The following CTNNA3 variants were observed in gnomAD, a reference collection of about 807,000 sequenced individuals.
CTNNA3 encodes catenin alpha 3.
A neutral mutation model predicts 95.7 loss-of-function variants in CTNNA3; 76 were observed. That is an observed-to-expected ratio of 0.79 (90% confidence interval 0.66 to 0.96). The LOEUF (loss-of-function observed/expected upper bound fraction) is 0.96. Among genes scored for constraint, CTNNA3 ranks in the 40% least tolerant of loss-of-function variants. The pLI, the probability that CTNNA3 is intolerant of heterozygous loss-of-function variation, is 0.00. For synonymous variants in CTNNA3, 431 were observed against 374.4 expected (o/e 1.15, Z -1.74); for missense variants, 1,191 against 1,089.8 (o/e 1.09, Z -1.31).
At chr10:66,622,497 T>C (rs1400695725) in intron 9 of CTNNA3, among the ~76,000 whole-genome samples, 3 of 152,122 alleles carry the variant, frequency 2.0e-5, no homozygotes, top group Non-Finnish European at 4.4e-5. Flanking sequence ...CTTCAGACCA[T>C]GAAAGAGCCA....
In CTNNA3 at chr10:66,909,982, C is replaced by T. The variant is rs542401715; in HGVS notation, c.1048-134458G>A. Among the ~76,000 whole-genome samples, 22 of 152,078 alleles carry T rather than the reference C, an allele frequency of 1.4e-4. 1 individual carries two copies. Among genetic ancestry groups the T allele is most frequent in the African/African-American group, 5.1e-4 (21 of 41,492 alleles). On this transcript the variant is annotated intron_variant, in intron 7 of 17. Transcript: ENST00000433211. ...AAAGAATATTCTATGGGGAAAAGGG[C>T]AAATAAACAATTTAATACTATGCAT...
At chr10:66,395,363 G>A (rs888980586) in intron 11 of CTNNA3, among the ~76,000 whole-genome samples, 1 of 151,948 alleles carries the variant, frequency 6.6e-6, no homozygotes, top group African/African-American at 2.4e-5. Context: ...TGACAAAGGA[G>A]GAGTCCATGA....
intron 14 of CTNNA3, among the ~76,000 whole-genome samples, chr10:66,070,186 T>C (rs1486701394): frequency 3.9e-5 from 6 of 152,184 alleles, no homozygotes; most frequent in Non-Finnish European, 7.4e-5. Context: ...TGCTATTTCT[T>C]AGCCTCTGAA....
intron 17 of CTNNA3, among the ~76,000 whole-genome samples, chr10:65,938,015 GT>G (rs2077370103): frequency 1.4e-5 from 2 of 146,794 alleles, no homozygotes; most frequent in Admixed American, 1.4e-4. Context: ...TTCTGATGTT[GT>G]CTTTGATAAG....
Position 66,621,681 on chromosome 10 carries a change from A to G in CTNNA3, c.1374+11T>C, listed in dbSNP as rs1179925746. On this transcript the variant is annotated intron_variant, in intron 10 of 17. Transcript: ENST00000433211. Reference sequence around the variant, plus strand: ...TAATTTTACACACAAAAAGTAACTTAGTTGTCATACCTGTGGACACAAGGT... The same window carrying G: ...TAATTTTACACACAAAAAGTAACTTGGTTGTCATACCTGTGGACACAAGGT... 6.7e-7 allele frequency: 1 copy of G among 1,500,066 alleles called. No homozygotes were observed. 92.9% of individuals were successfully genotyped at this position (1,500,066 alleles called of 1,614,324 possible). A position where few individuals can be genotyped will look rare whatever the true frequency, so the allele number is the denominator to read the frequency against.
At chr10:67,391,749 C>A (rs1310075421) in intron 5 of CTNNA3, among the ~76,000 whole-genome samples, 1 of 149,188 alleles carries the variant, frequency 6.7e-6, no homozygotes, top group Admixed American at 6.6e-5. Context: ...GAAATAACGC[C>A]GCATATCTAC....
intron 13 of CTNNA3, among the ~76,000 whole-genome samples, chr10:66,193,156 T>C (rs1167263548): frequency 1.3e-5 from 2 of 152,184 alleles, no homozygotes; most frequent in African/African-American, 4.8e-5. Context: ...ATGATATTTA[T>C]TCTCAAGAAA....
chr10:67,179,966 G>C (rs1420804749), intron 7 of CTNNA3, among the ~76,000 whole-genome samples: 3 of 151,980 alleles, frequency 2.0e-5, no homozygotes, highest in Admixed American at 6.6e-5. Context: ...TCACTAACTT[G>C]ATCCTGAGCA....
chr10:66,900,323 C>T (rs1185660205), intron 7 of CTNNA3, among the ~76,000 whole-genome samples: 1 of 152,086 alleles, frequency 6.6e-6, no homozygotes, highest in African/African-American at 2.4e-5. Context: ...GGAATAGCAT[C>T]AACATCAACA....
intron 7 of CTNNA3, among the ~76,000 whole-genome samples, chr10:67,131,237 G>C (rs1462931042): frequency 6.6e-6 from 1 of 151,810 alleles, no homozygotes; most frequent in African/African-American, 2.4e-5. Context: ...ACCTTTCTTT[G>C]GTGTTTCCAT....
At chr10:67,438,739 G>A (rs1846391986) in intron 5 of CTNNA3, among the ~76,000 whole-genome samples, 1 of 152,178 alleles carries the variant, frequency 6.6e-6, no homozygotes, top group African/African-American at 2.4e-5. Context: ...TGCACAAGGG[G>A]GTGGAAGAGC....
intron 14 of CTNNA3, among the ~76,000 whole-genome samples, chr10:66,094,636 A>G (rs890381557): frequency 2.0e-5 from 3 of 152,128 alleles, no homozygotes; most frequent in African/African-American, 7.2e-5. Context: ...AACATTTATG[A>G]GAAGTTTTAC....
chr10:66,590,869 A>G (rs1843525749), intron 10 of CTNNA3, among the ~76,000 whole-genome samples: 1 of 152,124 alleles, frequency 6.6e-6, no homozygotes. Flanking sequence ...ATATGTGCAG[A>G]TATAAAAAGA....
intron 7 of CTNNA3, among the ~76,000 whole-genome samples, chr10:66,923,645 G>A (rs1846905411): frequency 6.6e-6 from 1 of 152,184 alleles, no homozygotes; most frequent in African/African-American, 2.4e-5. Context: ...GTTTAACTAT[G>A]AAGACAAGAT....
chr10:67,253,578 TAAGTC>T (rs1866198878), intron 5 of CTNNA3, among the ~76,000 whole-genome samples: 1 of 152,106 alleles, frequency 6.6e-6, no homozygotes, highest in Non-Finnish European at 1.5e-5. Context: ...CTCCTACACT[TAAGTC>T]AAGTCCTGGG....
intron 10 of CTNNA3, among the ~76,000 whole-genome samples, chr10:66,608,515 G>C (rs1844211806): frequency 6.6e-6 from 1 of 152,078 alleles, no homozygotes; most frequent in Admixed American, 6.6e-5. Context: ...AAAGAGTAAA[G>C]CTGGAGGCAA....
chr10:67,345,908 T>C (rs1240926521), intron 5 of CTNNA3, among the ~76,000 whole-genome samples: 1 of 152,158 alleles, frequency 6.6e-6, no homozygotes, highest in Non-Finnish European at 1.5e-5. Flanking sequence ...CTCTTCCTTC[T>C]TTCTTCCCTT....
Position 67,670,865 on chromosome 10 carries a change from A to G in CTNNA3, c.-5-23347T>C, listed in dbSNP as rs1373333690. Among the ~76,000 whole-genome samples, 4 of 152,188 alleles carry G rather than the reference A, an allele frequency of 2.6e-5. No homozygotes were observed. In the East Asian group the frequency reaches 7.7e-4, roughly 29 times the overall value. ...TACATATGCTATATACGTCTACAAG[A>G]ATATATAACTTTATGTGTATGGATG... is the stretch of plus-strand genomic sequence containing the variant. On this transcript the variant is annotated intron_variant, in intron 1 of 17. Transcript: ENST00000433211.
rs115833292 is a variant in CTNNA3 at position 67,159,102 on chromosome 10, C to T, written c.1047+21215G>A. On this transcript the variant is annotated intron_variant, in intron 7 of 17. Transcript: ENST00000433211. ...TCATAACTTAAAAATCGATGTTATT[C>T]ACAGATTCCAGACATTGTATAGAAC... Among the ~76,000 whole-genome samples, 878 of 152,318 alleles carry T rather than the reference C, an allele frequency of 5.8e-3. 7 individuals carry two copies. The highest frequency in any genetic ancestry group is 0.02 in the African/African-American group (836 of 41,558).
Sources: gnomAD v4.1 joint callset for allele counts (sites outside exome capture counted in the v4.1 genomes callset) on GRCh38, gnomAD v4.1.1 for gene constraint, MANE v1.5 for transcripts, NCBI Gene and HGNC (gene_info 2026-07-23, HGNC 2026-07-21) for gene names.